The following CUBN variants were observed in gnomAD, a reference collection of about 807,000 sequenced individuals.
The protein encoded by CUBN is cubilin.
Under a neutral mutation model 405.3 loss-of-function variants are expected in CUBN, and 282 were observed. That is an observed-to-expected ratio of 0.70 (90% CI 0.63 to 0.77). The LOEUF (loss-of-function observed/expected upper bound fraction) is 0.77. Among genes scored for constraint, CUBN ranks in the 30% least tolerant of loss-of-function variants. The pLI is 0.00. For missense variants in CUBN, 4,514 were observed against 4,475.2 expected (o/e 1.01, Z -0.25); for synonymous variants, 1,684 against 1,617.0 (o/e 1.04, Z -0.99).
rs575021189 is a variant in CUBN, at chr10:17,110,970, C to T, written c.964G>A (p.Val322Ile). 7.0e-5 allele frequency: 113 copies of T among 1,614,168 alleles called. No individual in the cohort carries two copies. Among genetic ancestry groups the T allele is most frequent in the Admixed American group, 1.8e-4 (11 of 60,020 alleles). Residue 322 changes from valine (V) to isoleucine (I), a missense_variant, in exon 9 of 67, where the codon GTT becomes ATT. Val to Ile is a conservative substitution (Grantham distance 29). Around this residue, in one of 5 missense-constraint regions of CUBN, gnomAD observed 1,448 missense variants for 1,388.0 expected, o/e 1.04. Coordinates refer to ENST00000377833, the MANE Select transcript of CUBN (RefSeq NM_001081.4). The part of the protein sequence containing the change: ...NNGGCSVAPP[V>I]ECVNTPGSSH... ...GACCCAGGTGTATTCACACACTCAA[C>T]GGGTGGAGCCACAGAACAGCCGCCG...
In CUBN at chr10:17,129,711, C is replaced by A. The variant is rs1302204745; in HGVS notation, c.55G>T (p.Ala19Ser). ...TCTCCAGCTTCGCCATTTACTTCAGCAAATATTAATAAGGTAAGCAAACTC... is the reference window on the plus strand; with the variant it reads ...TCTCCAGCTTCGCCATTTACTTCAGAAAATATTAATAAGGTAAGCAAACTC... ...LWSLLTLLIF[A>S]EVNGEAGELE... Residue 19 changes from alanine to serine, a missense_variant, in exon 1 of 67, where the codon GCT becomes TCT. By Grantham distance (99) the Ala-to-Ser change is moderately conservative. Around this residue, in one of 5 missense-constraint regions of CUBN, gnomAD observed 1,448 missense variants for 1,388.0 expected, o/e 1.04. Coordinates refer to ENST00000377833, the MANE Select transcript of CUBN (RefSeq NM_001081.4). 2 of 1,613,956 alleles carry A rather than the reference C, an allele frequency of 1.2e-6. No individual in the cohort carries two copies. The highest frequency in any genetic ancestry group is 2.2e-5 in the South Asian group (2 of 91,076).
At chr10:16,861,162 T>C (rs970748902) in intron 59 of CUBN, among the ~76,000 whole-genome samples, 1 of 150,900 alleles carries the variant, frequency 6.6e-6, no homozygotes, top group African/African-American at 2.5e-5. Context: ...TCCCAATGAA[T>C]GCCTTTTTTT....
At chr10:17,097,641 C>T (rs1281149662) in intron 14 of CUBN, among the ~76,000 whole-genome samples, 1 of 151,998 alleles carries the variant, frequency 6.6e-6, no homozygotes, top group Non-Finnish European at 1.5e-5. Flanking sequence ...CAAATAAAAT[C>T]TAGCAATGTA....
intron 22 of CUBN, among the ~76,000 whole-genome samples, chr10:17,063,612 A>C (rs764008597): frequency 3.3e-5 from 5 of 152,190 alleles, no homozygotes; most frequent in Non-Finnish European, 7.3e-5. Flanking sequence ...TTAAAATCTA[A>C]TATCCTCCCT....
At chr10:16,876,774 A>G in intron 57 of CUBN, 123 bp downstream of exon 57, 1 of 890,948 alleles carries the variant, frequency 1.1e-6, no homozygotes, top group African/African-American at 1.7e-5. Context: ...CCTCACTGAC[A>G]ATCTTTTTCC....
chr10:17,000,096 G>T (rs1449700124), intron 28 of CUBN, among the ~76,000 whole-genome samples: 1 of 152,224 alleles, frequency 6.6e-6, no homozygotes, highest in Non-Finnish European at 1.5e-5. Flanking sequence ...TTAGCTTAGG[G>T]GAAGAAAAAC....
At chr10:16,836,457 C>T in intron 62 of CUBN, 75 bp from the exon 63 acceptor site, 1 of 1,306,936 alleles carries the variant, frequency 7.7e-7, no homozygotes, top group Non-Finnish European at 1.1e-6. Context: ...AATTAGACTG[C>T]ATATAAAAGC....
At chr10:16,855,250 T>C (rs1334919653) in intron 59 of CUBN, among the ~76,000 whole-genome samples, 1 of 151,830 alleles carries the variant, frequency 6.6e-6, no homozygotes, top group Non-Finnish European at 1.5e-5. Context: ...CCAGCTTAAC[T>C]GGCTGATTTT....
chr10:16,896,878 A>G (rs577292952), intron 54 of CUBN, among the ~76,000 whole-genome samples: 2 of 152,162 alleles, frequency 1.3e-5, no homozygotes, highest in South Asian at 4.2e-4. Context: ...TATTGTGCAG[A>G]CTGGGTGAAT....
At chr10:16,982,349 A>G in intron 31 of CUBN, 135 bp downstream of exon 31, 2 of 752,278 alleles carry the variant, frequency 2.7e-6, no homozygotes, top group South Asian at 3.1e-5. Context: ...TTATATTTTA[A>G]GTTGCCAATA....
In CUBN at chr10:16,907,595, C is replaced by G; in HGVS notation, c.7618G>C (p.Gly2540Arg). The G allele has an allele frequency of 6.2e-7, 1 of 1,613,714 alleles. No homozygotes were observed. The highest frequency in any genetic ancestry group is 2.2e-5 in the East Asian group (1 of 44,880). Residue 2540 changes from glycine (G) to arginine (R), a missense_variant, in exon 49 of 67, where the codon GGA becomes CGA. This residue lies in a region of CUBN where 1,613 missense variants were observed against 1,542.8 expected (regional missense o/e 1.05). Coordinates refer to ENST00000377833, the MANE Select transcript of CUBN (RefSeq NM_001081.4). ...AAAAAAATGACTTTCATTGTGTTTC[C>G]TGAAGATTTAATCTCATTGCTTACA... ...VNVSNEIKSS[G>R]NTMKVIFFTD...
At chr10:16,952,657 CAAACAAA>C (rs1230801813) in intron 32 of CUBN, among the ~76,000 whole-genome samples, 1 of 152,176 alleles carries the variant, frequency 6.6e-6, no homozygotes, top group Non-Finnish European at 1.5e-5. Flanking sequence ...CTAAGTCATT[CAAACAAA>C]ATTCTTGCAT....
rs745513613 is a variant in CUBN at position 16,890,433 on chromosome 10, A to T, written c.8693T>A (p.Phe2898Tyr). Residue 2898 changes from phenylalanine (F) to tyrosine (Y), a missense_variant, in exon 55 of 67, where the codon TTC (phenylalanine) becomes TAC (tyrosine). Physicochemically the swap from Phe to Tyr is conservative, Grantham distance 22. Around this residue, in one of 5 missense-constraint regions of CUBN, gnomAD observed 1,186 missense variants for 1,186.9 expected, o/e 1.00. Transcript: ENST00000377833. ...PGPVITPSNT[F>Y]TAVFQSQEAP... ...CTCCTGAGACTGGAAGACGGCAGTG[A>T]ATGTGTTACTTGGTGTGATAACGGG... is the stretch of plus-strand genomic sequence containing the variant. 4 of 1,614,076 alleles carry T rather than the reference A, an allele frequency of 2.5e-6. No homozygotes were observed. In the Admixed American group the frequency reaches 6.7e-5, roughly 27 times the overall value.
intron 27 of CUBN, among the ~76,000 whole-genome samples, chr10:17,023,168 T>A (rs1043011560): frequency 3.0e-4 from 45 of 150,466 alleles, no homozygotes; most frequent in African/African-American, 1.1e-3. Flanking sequence ...TGTTCAGTGG[T>A]CTTTAATAAC....
rs180842612 is a variant in CUBN, at chr10:17,082,849, T to C, written c.2301+1422A>G. Among the ~76,000 whole-genome samples the C allele has an allele frequency of 2.6e-5, 4 of 152,292 alleles. No individual in the cohort carries two copies. In the East Asian group the frequency reaches 5.8e-4, roughly 22 times the overall value. ...GTAACTTCTCTGGGCTACAGTTTCCTAAGATTAAAACAGAAATAATAATGG... is the reference window on the plus strand; with the variant it reads ...GTAACTTCTCTGGGCTACAGTTTCCCAAGATTAAAACAGAAATAATAATGG... On this transcript the variant is annotated intron_variant, in intron 17 of 66. Coordinates refer to ENST00000377833, the MANE Select transcript of CUBN (RefSeq NM_001081.4).
intron 29 of CUBN, 86 bp downstream of exon 29, chr10:16,990,248 T>C (rs1833541690): frequency 1.6e-6 from 2 of 1,263,330 alleles, no homozygotes; most frequent in Admixed American, 1.7e-5. Context: ...TGCTGACTAC[T>C]GGAAAGAATT....
intron 48 of CUBN, among the ~76,000 whole-genome samples, chr10:16,911,143 G>C (rs1202988872): frequency 6.6e-6 from 1 of 152,190 alleles, no homozygotes; most frequent in African/African-American, 2.4e-5. Context: ...ATGCACATCT[G>C]GGGTGGAGAG....
At chr10:17,105,629 T>G in intron 10 of CUBN, 54 bp from the exon 11 acceptor site, 1 of 972,566 alleles carries the variant, frequency 1.0e-6, no homozygotes, top group Non-Finnish European at 1.7e-6. Context: ...TCTGTTCGGA[T>G]GCAGTATCTA....
chr10:16,898,962 A>G (rs1841276223), intron 54 of CUBN, 34 bp downstream of exon 54: 2 of 1,507,756 alleles, frequency 1.3e-6, no homozygotes, highest in Non-Finnish European at 1.8e-6. Context: ...CACAAAACCA[A>G]CTTGGCTCCA....
Sources: gnomAD v4.1 joint callset for allele counts (sites outside exome capture counted in the v4.1 genomes callset) on GRCh38, gnomAD v4.1.1 for gene constraint, gnomAD v4.1.1 regional missense constraint, MANE v1.5 for transcripts, NCBI Gene and HGNC (gene_info 2026-07-23, HGNC 2026-07-21) for gene names.